The following TP53BP2 variants were observed in gnomAD, a reference collection of about 807,000 sequenced individuals.
TP53BP2 encodes apoptosis-stimulating of p53 protein 2.
Under a neutral mutation model 126.2 loss-of-function variants are expected in TP53BP2, and 62 were observed. That is an observed-to-expected ratio of 0.49 (90% confidence interval 0.40 to 0.61). TP53BP2 has a LOEUF of 0.61. TP53BP2 is among the 20% of genes least tolerant of loss of function. TP53BP2 has a pLI of 0.00. For missense variants in TP53BP2, 1,215 were observed against 1,402.8 expected (o/e 0.87, Z 2.14); for synonymous variants, 485 against 502.9 (o/e 0.96, Z 0.48).
Position 223,793,363 on chromosome 1 carries a change from A to G in TP53BP2, c.2802T>C (p.Ala934=), listed in dbSNP as rs1375079590. The change falls in exon 14 of 18, where the codon GCT becomes GCC. Residue 934 remains alanine (A), a synonymous_variant. Coordinates refer to ENST00000343537, the MANE Select transcript of TP53BP2 (RefSeq NM_001031685.3). ...CCTCCAAAGACGAATCTAGCAGTAAAGCAAGGGGGTTGAATTTCACCCTCA... is the reference window on the plus strand; with the variant it reads ...CCTCCAAAGACGAATCTAGCAGTAAGGCAAGGGGGTTGAATTTCACCCTCA... ...HGMRVKFNPL[A]LLLDSSLEGE... The G allele has an allele frequency of 3.1e-6, 5 of 1,612,120 alleles. No individual in the cohort carries two copies. Among genetic ancestry groups the G allele is most frequent in the Non-Finnish European group, 4.2e-6 (5 of 1,179,120 alleles).
intron 1 of TP53BP2, among the ~76,000 whole-genome samples, chr1:223,827,065 T>C (rs1249108059): frequency 2.0e-5 from 3 of 152,128 alleles, no homozygotes; most frequent in African/African-American, 7.2e-5. Context: ...GAGGCCTCTA[T>C]GTTAAATATG....
In TP53BP2 at chr1:223,803,464, A is replaced by C. The variant is rs1413899408; in HGVS notation, c.650-12T>G. 6.3e-7 allele frequency: 1 copy of C among 1,592,452 alleles called. No individual in the cohort carries two copies. Among genetic ancestry groups the C allele is most frequent in the Non-Finnish European group, 8.6e-7 (1 of 1,167,940 alleles). On this transcript the variant is annotated splice_polypyrimidine_tract_variant and intron_variant, in intron 6 of 17. Transcript: ENST00000343537. ...TTCAATTTCCTCCACTAGATGAGAC[A>C]GAGAACAGCAACAACAGTTGAAAAG...
intron 2 of TP53BP2, among the ~76,000 whole-genome samples, chr1:223,819,050 G>A (rs1663200520): frequency 6.6e-6 from 1 of 151,886 alleles, no homozygotes; most frequent in Non-Finnish European, 1.5e-5. Context: ...GGGCGTGGTG[G>A]CGTATGCCTG....
intron 1 of TP53BP2, among the ~76,000 whole-genome samples, chr1:223,831,434 G>A (rs1206940084): frequency 7.7e-6 from 1 of 129,326 alleles, no homozygotes; most frequent in African/African-American, 2.8e-5. Flanking sequence ...ATGTGTGTCT[G>A]TGTGTACACA....
rs545900445 is a variant in TP53BP2, at chr1:223,814,044, C to CTCTAATGACTCCTTCCCACCTGCATTAT, written c.289+195_289+196insATAATGCAGGTGGGAAGGAGTCATTAGA. 4.7e-3 allele frequency: 2,525 copies of CTCTAATGACTCCTTCCCACCTGCATTAT among 540,504 alleles called. 54 individuals are homozygous for CTCTAATGACTCCTTCCCACCTGCATTAT. Among genetic ancestry groups the CTCTAATGACTCCTTCCCACCTGCATTAT allele is most frequent in the African/African-American group, 0.042 (2,245 of 53,042 alleles). The allele number at this position is 540,504 out of a possible 1,614,324, so 33.5% of individuals were successfully genotyped here. A position where few individuals can be genotyped will look rare whatever the true frequency, so the allele number is the denominator to read the frequency against. On this transcript the variant is annotated intron_variant, in intron 3 of 17. Coordinates refer to ENST00000343537, the MANE Select transcript of TP53BP2 (RefSeq NM_001031685.3). Reference sequence around the variant, plus strand: ...CCTTTCTTATAGTTTCAACCCCCTGCTCTAATGACTCCTTCCCACCTGCAT... The same window carrying CTCTAATGACTCCTTCCCACCTGCATTAT: ...CCTTTCTTATAGTTTCAACCCCCTGCTCTAATGACTCCTTCCCACCTGCATTATTCTAATGACTCCTTCCCACCTGCAT...
chr1:223,841,394 C>G (rs1234552077), intron 1 of TP53BP2, among the ~76,000 whole-genome samples: 1 of 152,180 alleles, frequency 6.6e-6, no homozygotes, highest in African/African-American at 2.4e-5. Context: ...GGAATAAAGC[C>G]TGATCTAAGC....
chr1:223,786,983 G>A (rs549941460), intron 16 of TP53BP2, among the ~76,000 whole-genome samples: 8 of 150,824 alleles, frequency 5.3e-5, no homozygotes, highest in East Asian at 2.0e-4. Context: ...TGCAACCTCC[G>A]CCTCCGGGTT....
intron 16 of TP53BP2, among the ~76,000 whole-genome samples, chr1:223,787,820 G>GT (rs138103861): frequency 0.054 from 8,193 of 152,274 alleles, 275 homozygotes; most frequent in Admixed American, 0.094. Flanking sequence ...CAAGGCTGCA[G>GT]TGAGCTGTGA....
intron 17 of TP53BP2, among the ~76,000 whole-genome samples, chr1:223,782,975 G>A (rs1661823290): frequency 6.6e-6 from 1 of 152,172 alleles, no homozygotes. Flanking sequence ...CAGTGTGGAA[G>A]GGAGAGTCAG....
chr1:223,782,427 A>G (rs1661805607), intron 17 of TP53BP2, among the ~76,000 whole-genome samples: 1 of 152,122 alleles, frequency 6.6e-6, no homozygotes, highest in African/African-American at 2.4e-5. Context: ...AGTGCTAGAG[A>G]CTCTGGAGAA....
chr1:223,796,525 T>C lies in TP53BP2; in HGVS notation c.2014A>G (p.Asn672Asp). The C allele has an allele frequency of 1.2e-6, 2 of 1,614,080 alleles. No individual in the cohort carries two copies. Among genetic ancestry groups the C allele is most frequent in the Non-Finnish European group, 1.7e-6 (2 of 1,180,010 alleles). The change falls in exon 13 of 18, where the codon AAT becomes GAT. Residue 672 changes from asparagine (N) to aspartate (D), a missense_variant. By Grantham distance (23) the Asn-to-Asp change is conservative. Transcript: ENST00000343537. This position sits in a 1 kb window ranked among gnomAD's most constrained non-coding sequence, Gnocchi z 4.2. ...GGACTGCCAGGCTTGCCCTGGCTAT[T>C]GGAATAAATGTTCTCTGGGTGCTGC... ...QQQHPENIYSNSQGKPGSPEP... is the reference protein window; with the variant it reads ...QQQHPENIYSDSQGKPGSPEP...
chr1:223,791,882 T>G (rs1662167407), intron 15 of TP53BP2, among the ~76,000 whole-genome samples: 1 of 152,134 alleles, frequency 6.6e-6, no homozygotes, highest in African/African-American at 2.4e-5. Context: ...GACTAACATT[T>G]CCCCTATCCT....
In TP53BP2 at chr1:223,806,916, G is replaced by A; in HGVS notation, c.404C>T (p.Ala135Val). The change falls in exon 5 of 18, where the codon GCT becomes GTT. Residue 135 changes from alanine to valine, a missense_variant. Ala to Val is a moderately conservative substitution (Grantham distance 64). Coordinates refer to ENST00000343537, the MANE Select transcript of TP53BP2 (RefSeq NM_001031685.3). ...VNSPRMDLTL[A>V]ELQEMASRQQ... ...GCGAGATGCCATTTCCTGAAGTTCA[G>A]CAAGAGTCAGATCCATCCTAGGACT... The A allele has an allele frequency of 6.2e-7, 1 of 1,613,968 alleles. No homozygotes were observed. The highest frequency in any genetic ancestry group is 8.5e-7 in the Non-Finnish European group (1 of 1,179,900).
Position 223,796,160 on chromosome 1 carries a change from G to A in TP53BP2, c.2379C>T (p.Ile793=), listed in dbSNP as rs754969258. 11 of 1,614,152 alleles carry A rather than the reference G, an allele frequency of 6.8e-6. No individual in the cohort carries two copies. Among genetic ancestry groups the A allele is most frequent in the South Asian group, 3.3e-5 (3 of 91,084 alleles). Residue 793 remains isoleucine, a synonymous_variant, in exon 13 of 18, where the codon ATC becomes ATT. Transcript: ENST00000343537. This position sits in a 1 kb window ranked among gnomAD's most constrained non-coding sequence, Gnocchi z 4.2. ...VTASSESPVE[I]QNPYLHVEPE... ...GCTCCACATGTAAATATGGATTCTG[G>A]ATTTCTACTGGGCTTTCTGAGCTGG...
chr1:223,810,101 C>T (rs938268422), intron 4 of TP53BP2, among the ~76,000 whole-genome samples: 2 of 152,230 alleles, frequency 1.3e-5, no homozygotes, highest in African/African-American at 4.8e-5. Flanking sequence ...GCTGGGATAA[C>T]AGGCGTGAGC....
chr1:223,835,956 T>C (rs1057392410), intron 1 of TP53BP2, among the ~76,000 whole-genome samples: 1 of 151,898 alleles, frequency 6.6e-6, no homozygotes, highest in African/African-American at 2.4e-5. Flanking sequence ...AGGCTTAACA[T>C]AAAAGAAGTA....
intron 3 of TP53BP2, among the ~76,000 whole-genome samples, chr1:223,811,634 G>C (rs1281262658): frequency 6.6e-6 from 1 of 152,166 alleles, no homozygotes; most frequent in Non-Finnish European, 1.5e-5. Context: ...CCTAATTAAA[G>C]TAAGCAATAA....
chr1:223,823,964 T>C (rs916719155), intron 1 of TP53BP2, among the ~76,000 whole-genome samples: 2 of 152,240 alleles, frequency 1.3e-5, no homozygotes, highest in African/African-American at 2.4e-5. Context: ...AAGCCTATTA[T>C]GTAAGATAGC....
chr1:223,795,002 C>T lies in TP53BP2; in HGVS notation c.2724+813G>A, dbSNP rs997088402. Among the ~76,000 whole-genome samples the T allele has an allele frequency of 2.6e-5, 4 of 152,264 alleles. No individual in the cohort carries two copies. In the East Asian group the frequency reaches 5.8e-4, roughly 22 times the overall value. On this transcript the variant is annotated intron_variant, in intron 13 of 17. Coordinates refer to ENST00000343537, the MANE Select transcript of TP53BP2 (RefSeq NM_001031685.3). ...CATAGTTCAGCATCCTACTTCCTTC[C>T]GTGCTTACTGAAGCAAAGTGGCTTC...
Sources: allele counts gnomAD v4.1 joint callset (sites outside exome capture counted in the v4.1 genomes callset), GRCh38; gene constraint gnomAD v4.1.1; non-coding constraint Gnocchi (gnomAD v3.1); transcripts MANE v1.5; gene names NCBI Gene and HGNC (gene_info 2026-07-23, HGNC 2026-07-21).